The following VPS13A variants were observed in gnomAD, a reference collection of about 807,000 sequenced individuals.
VPS13A encodes the protein intermembrane lipid transfer protein VPS13A.
A neutral mutation model predicts 390.9 loss-of-function variants in VPS13A; 264 were observed. That is an observed-to-expected ratio of 0.68 (90% CI 0.61 to 0.75). The LOEUF is 0.75. VPS13A is among the 30% of genes least tolerant of loss of function. VPS13A has a pLI of 0.00. For synonymous variants in VPS13A, 1,231 were observed against 1,227.1 expected (o/e 1.00, Z -0.07); for missense variants, 3,409 against 3,733.9 (o/e 0.91, Z 2.27).
Position 77,359,360 on chromosome 9 carries a change from T to A in VPS13A, c.8063T>A (p.Ile2688Asn). The A allele has an allele frequency of 6.2e-7, 1 of 1,613,632 alleles. No homozygotes were observed. The highest frequency in any genetic ancestry group is 1.3e-5 in the African/African-American group (1 of 75,044). ...SAPKPFTDVS[I>N]VMRSAGHSQI... is the part of the protein sequence containing the mutation. ...CCAAAGCCCTTTACAGATGTCAGTA[T>A]TGTCATGAGATCTGCAGGACATTCC... is the stretch of plus-strand genomic sequence containing the variant. The change falls in exon 58 of 72, where the codon ATT (isoleucine) becomes AAT (asparagine). Residue 2688 changes from isoleucine (I) to asparagine (N), a missense_variant. Transcript: ENST00000360280.
chr9:77,306,414 TTGTGTGTGTGTGTG>T (rs60382346), intron 34 of VPS13A, among the ~76,000 whole-genome samples: 18 of 140,778 alleles, frequency 1.3e-4, no homozygotes, highest in African/African-American at 4.6e-4. Context: ...GTGTGTGTGT[TTGTGTGTGTGTGTG>T]TGTGTGTGTG....
rs939743176 is a variant in VPS13A, at chr9:77,420,069, G to A, written c.*4063G>A. 2.0e-5 allele frequency: 3 copies of A among 152,140 alleles called. No homozygotes were observed. The highest frequency in any genetic ancestry group is 4.8e-5 in the African/African-American group (2 of 41,514). 9.4% of individuals were successfully genotyped at this position (152,140 alleles called of 1,614,324 possible). A position where few individuals can be genotyped will look rare whatever the true frequency, so the allele number is the denominator to read the frequency against. ...TTTTTTTGGTGCTTTTCAGTATAGC[G>A]CAACTCTAAAAGGAAACCCATTCAC... is the stretch of plus-strand genomic sequence containing the variant. On this transcript the variant is annotated 3_prime_UTR_variant, in exon 72 of 72. Coordinates refer to ENST00000360280, the MANE Select transcript of VPS13A (RefSeq NM_033305.3).
intron 32 of VPS13A, 126 bp downstream of exon 32, chr9:77,293,634 A>G: frequency 2.1e-6 from 1 of 478,698 alleles, no homozygotes; most frequent in Non-Finnish European, 3.4e-6. Context: ...TCTTCTGGGT[A>G]CCATTTATTA....
chr9:77,364,766 T>A (rs1248433420), intron 59 of VPS13A, among the ~76,000 whole-genome samples: 1 of 152,214 alleles, frequency 6.6e-6, no homozygotes, highest in African/African-American at 2.4e-5. Context: ...CTTAAAACCA[T>A]TCCTAGAGGC....
At chr9:77,299,381 C>A (rs926890496) in intron 33 of VPS13A, among the ~76,000 whole-genome samples, 1 of 152,130 alleles carries the variant, frequency 6.6e-6, no homozygotes, top group Non-Finnish European at 1.5e-5. Context: ...GAGATACCAT[C>A]TCACACCAGT....
At chr9:77,347,667 C>T (rs912492941) in intron 52 of VPS13A, among the ~76,000 whole-genome samples, 2 of 151,988 alleles carry the variant, frequency 1.3e-5, no homozygotes, top group African/African-American at 4.8e-5. Flanking sequence ...TTTTATCTAT[C>T]TCTATATATC....
At chr9:77,358,935 T>A (rs1347717568) in intron 57 of VPS13A, among the ~76,000 whole-genome samples, 1 of 152,092 alleles carries the variant, frequency 6.6e-6, no homozygotes, top group East Asian at 1.9e-4. Context: ...CTTTCCCACC[T>A]CCACCCCACA....
rs373727900 is a variant in VPS13A at position 77,312,884 on chromosome 9, A to T, written c.4115-1108A>T. On this transcript the variant is annotated intron_variant, in intron 35 of 71. Coordinates refer to ENST00000360280, the MANE Select transcript of VPS13A (RefSeq NM_033305.3). ...ACTTTGGCAAAGAATTTGAAAGTTAATATGTACCTACCTTTAACAGAGCAA... is the reference window on the plus strand; with the variant it reads ...ACTTTGGCAAAGAATTTGAAAGTTATTATGTACCTACCTTTAACAGAGCAA... 3.0e-4 allele frequency among the ~76,000 whole-genome samples: 45 copies of T among 152,306 alleles called. 1 individual carries two copies. The South Asian group carries it at 9.3e-3, about 32-fold the overall frequency.
At position 77,340,299 on chromosome 9, in the gene VPS13A, C is replaced by G; in HGVS notation, c.6879+17C>G. On this transcript the variant is annotated intron_variant, in intron 49 of 71. Coordinates refer to ENST00000360280, the MANE Select transcript of VPS13A (RefSeq NM_033305.3). The stretch of plus-strand genomic sequence containing the variant: ...GACTATCAAGTGAGTTCATTCTATG[C>G]TTATCAAGAAACTTTTATTTTAAAT... The G allele has an allele frequency of 6.2e-7, 1 of 1,608,194 alleles. No homozygotes were observed. The highest frequency in any genetic ancestry group is 1.3e-5 in the African/African-American group (1 of 74,862).
At chr9:77,401,317 G>A (rs1331858147) in intron 68 of VPS13A, among the ~76,000 whole-genome samples, 1 of 144,272 alleles carries the variant, frequency 6.9e-6, no homozygotes, top group Non-Finnish European at 1.5e-5. Context: ...ACCATCTTGG[G>A]ATCACATGAA....
chr9:77,360,772 G>C (rs970514049), intron 59 of VPS13A, 131 bp downstream of exon 59: 27 of 660,458 alleles, frequency 4.1e-5, no homozygotes, highest in Non-Finnish European at 6.3e-5. Context: ...ACTCTCTTGT[G>C]GTACATACCT....
intron 41 of VPS13A, among the ~76,000 whole-genome samples, chr9:77,318,888 AT>A (rs1829563630): frequency 6.6e-6 from 1 of 151,968 alleles, no homozygotes. Context: ...GATTCAGAAT[AT>A]TTTTTTTAAA....
At chr9:77,314,271 C>T in intron 36 of VPS13A, 152 bp downstream of exon 36, 2 of 956,820 alleles carry the variant, frequency 2.1e-6, no homozygotes, top group South Asian at 3.5e-5. Context: ...ATAATTATAA[C>T]TATTTCCCTT....
intron 35 of VPS13A, 78 bp from the exon 36 acceptor site, chr9:77,313,914 T>G: frequency 7.0e-7 from 1 of 1,429,030 alleles, no homozygotes. Context: ...ATAATTCTAT[T>G]AAATCTATTT....
intron 52 of VPS13A, among the ~76,000 whole-genome samples, chr9:77,345,368 G>A (rs1412367403): frequency 6.6e-6 from 1 of 152,226 alleles, no homozygotes; most frequent in Non-Finnish European, 1.5e-5. Flanking sequence ...AAGAGCTGAA[G>A]CAAGTGTGGC....
chr9:77,296,865 T>C (rs1828031178), intron 33 of VPS13A, among the ~76,000 whole-genome samples: 2 of 152,134 alleles, frequency 1.3e-5, no homozygotes, highest in Admixed American at 1.3e-4. Flanking sequence ...AAGTTATTTT[T>C]TCTTGAGCGA....
intron 67 of VPS13A, among the ~76,000 whole-genome samples, chr9:77,374,148 G>A (rs1293879237): frequency 6.6e-6 from 1 of 151,766 alleles, no homozygotes; most frequent in Non-Finnish European, 1.5e-5. Flanking sequence ...ATCTTATTTT[G>A]TTATAAGTTG....
intron 67 of VPS13A, among the ~76,000 whole-genome samples, chr9:77,373,325 A>T (rs1818325976): frequency 6.8e-6 from 1 of 146,724 alleles, no homozygotes. Flanking sequence ...CCTCAGAAAT[A>T]ACGCCGCATA....
chr9:77,409,489 TCAAACTACACCAAGCTAAAGGA>T (rs1834803766), intron 71 of VPS13A, among the ~76,000 whole-genome samples: 1 of 151,924 alleles, frequency 6.6e-6, no homozygotes, highest in East Asian at 1.9e-4. Flanking sequence ...CTTCAGATGA[TCAAACTACACCAAGCTAAAGGA>T]GGAAGTTCGA....
Sources: gnomAD v4.1 joint callset for allele counts (sites outside exome capture counted in the v4.1 genomes callset) on GRCh38, gnomAD v4.1.1 for gene constraint, MANE v1.5 for transcripts, NCBI Gene and HGNC (gene_info 2026-07-23, HGNC 2026-07-21) for gene names.